Variants in NOTCH2 observed in about 807,000 individuals in gnomAD.
NOTCH2 encodes the protein neurogenic locus notch homolog protein 2.
Under a neutral mutation model 235.8 loss-of-function variants are expected in NOTCH2, and 29 were observed. The observed-to-expected ratio is 0.12, with a 90% confidence interval of 0.09 to 0.17. The LOEUF is 0.17. Among genes scored for constraint, NOTCH2 ranks in the 10% least tolerant of loss-of-function variants. NOTCH2 has a pLI of 1.00. For missense variants in NOTCH2, 2,285 were observed against 3,150.2 expected (o/e 0.73, Z 6.57); for synonymous variants, 1,086 against 1,141.5 (o/e 0.95, Z 0.98).
rs1405245194 is a variant in NOTCH2, at chr1:119,935,677, T to C, written c.3523-73A>G. 2.0e-6 allele frequency: 3 copies of C among 1,528,842 alleles called. No individual in the cohort carries two copies. The African/African-American group carries it at 4.1e-5, about 21-fold the overall frequency. 94.7% of individuals were successfully genotyped at this position (1,528,842 alleles called of 1,614,324 possible). A position where few individuals can be genotyped will look rare whatever the true frequency, so the allele number is the denominator to read the frequency against. On this transcript the variant is annotated intron_variant, in intron 21 of 33. Coordinates refer to ENST00000256646, the MANE Select transcript of NOTCH2 (RefSeq NM_024408.4). ...AAACAGACCATGAGAGCTAGTGAGATCTGGAACATTTCTGTGACTGTCTCC... is the reference window on the plus strand; with the variant it reads ...AAACAGACCATGAGAGCTAGTGAGACCTGGAACATTTCTGTGACTGTCTCC...
rs782523879 is a variant in NOTCH2 at position 119,935,616 on chromosome 1, AAAC to A, written c.3523-15_3523-13del. On this transcript the variant is annotated splice_polypyrimidine_tract_variant and intron_variant, in intron 21 of 33. Transcript: ENST00000256646. Reference sequence around the variant, plus strand: ...TAGCCTGGGACACACTGCCATGAGGAAACAAAAAGGACAAGAAATATTGGACCA... The same window carrying A: ...TAGCCTGGGACACACTGCCATGAGGAAAAAAGGACAAGAAATATTGGACCA... The A allele has an allele frequency of 6.2e-5, 100 of 1,613,860 alleles. No homozygotes were observed. The highest frequency in any genetic ancestry group is 2.2e-4 in the Admixed American group (13 of 60,006).
At chr1:120,001,040 T>C (rs1557840977) in intron 3 of NOTCH2, among the ~76,000 whole-genome samples, 1 of 152,252 alleles carries the variant, frequency 6.6e-6, no homozygotes, top group Non-Finnish European at 1.5e-5. Flanking sequence ...TCTCATGAGA[T>C]CTGATGGGTT....
intron 1 of NOTCH2, among the ~76,000 whole-genome samples, chr1:120,032,712 G>A (rs1426101411): frequency 4.9e-5 from 6 of 121,560 alleles, no homozygotes; most frequent in East Asian, 2.1e-4. Flanking sequence ...GACTAAGTCC[G>A]CAGGGAGCCT....
chr1:119,915,665 A>G lies in NOTCH2; in HGVS notation c.7057T>C (p.Phe2353Leu), dbSNP rs1317265963. The G allele has an allele frequency of 9.3e-6, 15 of 1,613,788 alleles. No individual in the cohort carries two copies. Among genetic ancestry groups the G allele is most frequent in the Middle Eastern group, 1.6e-4 (1 of 6,084 alleles). ...TGCTGGGGCATCATGGCAGTGGGGA[A>G]AGCCACACTGGGCAAACGGGCCATT... is the stretch of plus-strand genomic sequence containing the variant. The part of the protein sequence containing the change: ...PEMARLPSVA[F>L]PTAMMPQQDG... Residue 2353 changes from phenylalanine to leucine, a missense_variant, in exon 34 of 34, where the codon TTC (phenylalanine) becomes CTC (leucine). Around this residue, in one of 6 missense-constraint regions of NOTCH2, gnomAD observed 504 missense variants for 538.0 expected, o/e 0.94. Coordinates refer to ENST00000256646, the MANE Select transcript of NOTCH2 (RefSeq NM_024408.4).
At chr1:119,944,887 G>C (rs1379238238) in intron 17 of NOTCH2, among the ~76,000 whole-genome samples, 2 of 152,016 alleles carry the variant, frequency 1.3e-5, no homozygotes, top group Non-Finnish European at 2.9e-5. Context: ...GATTTTTTCA[G>C]ACAGAAGGAA....
intron 1 of NOTCH2, among the ~76,000 whole-genome samples, chr1:120,047,707 T>C (rs1241410440): frequency 2.7e-5 from 4 of 149,792 alleles, no homozygotes; most frequent in Admixed American, 2.0e-4. Context: ...AAGTCAGTCA[T>C]CTTGTCTTTG....
At chr1:119,950,478 TA>T (rs1222153830) in intron 15 of NOTCH2, 185 of 633,348 alleles carry the variant, frequency 2.9e-4, no homozygotes, top group East Asian at 4.2e-4. Context: ...CACATACAAT[TA>T]AAAAAAAATT....
chr1:120,065,273 A>C (rs1392392919), intron 1 of NOTCH2, among the ~76,000 whole-genome samples: 1 of 152,254 alleles, frequency 6.6e-6, no homozygotes, highest in African/African-American at 2.4e-5. Context: ...GTCCAAAATA[A>C]GAAAATGGCT....
chr1:119,987,939 T>C (rs1652084317), intron 4 of NOTCH2, among the ~76,000 whole-genome samples: 1 of 152,218 alleles, frequency 6.6e-6, no homozygotes, highest in Non-Finnish European at 1.5e-5. Context: ...GTAGTTTATA[T>C]GTTGGGCCTC....
chr1:119,995,883 C>A (rs2258065), intron 4 of NOTCH2: 1 of 152,196 alleles, frequency 6.6e-6, no homozygotes. Flanking sequence ...TGAGGACCAA[C>A]CTATGACCTT....
At position 119,978,120 on chromosome 1, in the gene NOTCH2, C is replaced by T. The variant is rs192589716; in HGVS notation, c.875-8376G>A. The stretch of plus-strand genomic sequence containing the variant: ...CTTTTAAGAGAAGGCCTGGGAGGAG[C>T]GTGCCAGGTTGTGAAAGAGGGGAGA... On this transcript the variant is annotated intron_variant, in intron 5 of 33. Coordinates refer to ENST00000256646, the MANE Select transcript of NOTCH2 (RefSeq NM_024408.4). Among the ~76,000 whole-genome samples, 615 of 151,932 alleles carry T rather than the reference C, an allele frequency of 4.0e-3. 5 individuals carry two copies. The highest frequency in any genetic ancestry group is 0.014 in the African/African-American group (569 of 41,412).
chr1:119,945,614 GT>G (rs1313145728), intron 17 of NOTCH2, among the ~76,000 whole-genome samples: 1 of 151,974 alleles, frequency 6.6e-6, no homozygotes, highest in Non-Finnish European at 1.5e-5. Context: ...TATGACAAGA[GT>G]TTAAAAAGGC....
At chr1:119,974,517 C>G (rs1454377422) in intron 5 of NOTCH2, among the ~76,000 whole-genome samples, 1 of 152,192 alleles carries the variant, frequency 6.6e-6, no homozygotes, top group Non-Finnish European at 1.5e-5. Flanking sequence ...ACACTGAGTG[C>G]CACCTGTAAC....
intron 5 of NOTCH2, among the ~76,000 whole-genome samples, chr1:119,978,373 G>A (rs587710361): frequency 4.6e-5 from 7 of 152,298 alleles, no homozygotes; most frequent in Middle Eastern, 3.4e-3. Context: ...CCATTGAAGT[G>A]TTTCCAGCAA....
chr1:120,063,241 C>G (rs1396052630), intron 1 of NOTCH2, among the ~76,000 whole-genome samples: 5 of 152,118 alleles, frequency 3.3e-5, no homozygotes, highest in Non-Finnish European at 5.9e-5. Context: ...CTGCAGCAGC[C>G]CAGAAACCCC....
chr1:120,069,306 G>A (rs1324975211), intron 1 of NOTCH2, 28 bp downstream of exon 1: 6 of 1,545,168 alleles, frequency 3.9e-6, no homozygotes, highest in Non-Finnish European at 5.2e-6. Flanking sequence ...CGGGCGCCGC[G>A]GACAGCGCCC....
rs2101453268 is a variant in NOTCH2 at position 120,069,463 on chromosome 1, GGGAGGGGGTCCCGATA to G, written c.-73_-58del. 6.6e-7 allele frequency: 1 copy of G among 1,512,720 alleles called. No individual in the cohort carries two copies. The highest frequency in any genetic ancestry group is 1.4e-5 in the African/African-American group (1 of 70,100). 93.7% of individuals were successfully genotyped at this position (1,512,720 alleles called of 1,614,324 possible). ...GCCGCCGCCTGGGCAGATCCACATGGGGAGGGGGTCCCGATAGAGGAGCCCCACTCTCTCCTCCCCT... is the reference window on the plus strand; with the variant it reads ...GCCGCCGCCTGGGCAGATCCACATGGGAGGAGCCCCACTCTCTCCTCCCCT... On this transcript the variant is annotated 5_prime_UTR_variant, in exon 1 of 34. Coordinates refer to ENST00000256646, the MANE Select transcript of NOTCH2 (RefSeq NM_024408.4).
intron 25 of NOTCH2, 46 bp downstream of exon 25, chr1:119,925,255 AGTGT>A: frequency 6.2e-7 from 1 of 1,610,562 alleles, no homozygotes; most frequent in Non-Finnish European, 8.5e-7. Flanking sequence ...GAGAAACTGA[AGTGT>A]GTTAGTGACA....
At chr1:119,973,735 G>A (rs1254148717) in intron 5 of NOTCH2, among the ~76,000 whole-genome samples, 1 of 152,164 alleles carries the variant, frequency 6.6e-6, no homozygotes, top group Non-Finnish European at 1.5e-5. Flanking sequence ...AGTTCTTGGC[G>A]ATCACCTAGA....
Sources: allele counts gnomAD v4.1 joint callset (sites outside exome capture counted in the v4.1 genomes callset), GRCh38; gene constraint gnomAD v4.1.1; regional missense constraint gnomAD v4.1.1; transcripts MANE v1.5; gene names NCBI Gene and HGNC (gene_info 2026-07-23, HGNC 2026-07-21).